Variants in COL4A5 observed in about 807,000 individuals in gnomAD.
The protein encoded by COL4A5 is collagen type IV alpha 5 chain, also known as collagen alpha-5(IV) chain.
A neutral mutation model predicts 130.2 loss-of-function variants in COL4A5; 26 were observed. The ratio of observed to expected loss-of-function variants is 0.20; its 90% CI spans 0.15 to 0.28. The LOEUF is 0.28. COL4A5 is among the 10% of genes least tolerant of loss of function. The probability of loss-of-function intolerance (pLI) is 1.00; values close to 1 mark genes in which losing one functional copy is unlikely to be tolerated. For synonymous variants in COL4A5, 496 were observed against 439.6 expected, an observed-to-expected ratio of 1.13 and a Z score of -1.60; for missense variants, 1,131 against 1,344.3, an observed-to-expected ratio of 0.84 and a Z score of 2.48.
At chrX:108,499,682 T>C (rs1569478186) in intron 1 of COL4A5, among the ~76,000 whole-genome samples, 1 of 111,690 alleles carries the variant, frequency 9.0e-6, no homozygotes, top group Non-Finnish European at 1.9e-5. Flanking sequence ...TCATTAAATA[T>C]TTTTCAAAAC....
intron 1 of COL4A5, among the ~76,000 whole-genome samples, chrX:108,455,517 A>G (rs917049882): frequency 8.9e-6 from 1 of 112,329 alleles, no homozygotes; most frequent in African/African-American, 3.2e-5. Context: ...TACTTTGGTA[A>G]CTACCAACCA....
chrX:108,452,717 G>T (rs997126692), intron 1 of COL4A5, among the ~76,000 whole-genome samples: 1 of 112,034 alleles, frequency 8.9e-6, no homozygotes, highest in Non-Finnish European at 1.9e-5. Context: ...AGCTTAAGGA[G>T]ATTTTGGGCT....
At chrX:108,694,512 C>T (rs1019262826) in intron 50 of COL4A5, 7 of 326,336 alleles carry the variant, frequency 2.1e-5, no homozygotes, top group East Asian at 6.2e-5. Context: ...CAAACTCTTA[C>T]GGCAATTGAG....
rs921487073 is a variant in COL4A5 at position 108,537,344 on chromosome X, A to T, written c.82-2402A>T. On this transcript the variant is annotated intron_variant, in intron 1 of 52. Transcript: ENST00000328300. The stretch of plus-strand genomic sequence containing the variant: ...TTAAAATTTTAAATTGAATTTAAAC[A>T]CATTTATCTATAATTCACAACTGTT... 1.2e-4 allele frequency among the ~76,000 whole-genome samples: 14 copies of T among 112,077 alleles called. 1 individual carries two copies. The highest frequency in any genetic ancestry group is 4.5e-4 in the African/African-American group (14 of 30,957).
At chrX:108,644,386 A>G (rs1325431448) in intron 36 of COL4A5, among the ~76,000 whole-genome samples, 1 of 112,142 alleles carries the variant, frequency 8.9e-6, no homozygotes, top group Non-Finnish European at 1.9e-5. Flanking sequence ...GAACAAATGG[A>G]CTTAACAGAT....
intron 36 of COL4A5, among the ~76,000 whole-genome samples, chrX:108,630,848 G>T (rs974510842): frequency 8.9e-6 from 1 of 112,241 alleles, no homozygotes; most frequent in Admixed American, 9.4e-5. Context: ...GTGAGGAAGG[G>T]ATCCAGTTTC....
chrX:108,673,720 G>T (rs975865891), intron 42 of COL4A5, among the ~76,000 whole-genome samples: 2 of 107,065 alleles, frequency 1.9e-5, no homozygotes, highest in African/African-American at 6.8e-5. Context: ...CTTATTGCAA[G>T]TACTATAATA....
intron 31 of COL4A5, 123 bp downstream of exon 31, chrX:108,620,549 T>C: frequency 3.6e-6 from 2 of 555,674 alleles, no homozygotes; most frequent in Admixed American, 6.7e-5. Context: ...GAGCATTAAA[T>C]ATCTATGACT....
chrX:108,493,706 CCAT>C (rs2147552132), intron 1 of COL4A5, among the ~76,000 whole-genome samples: 1 of 109,416 alleles, frequency 9.1e-6, no homozygotes, highest in African/African-American at 3.3e-5. Context: ...ATCTACATAG[CCAT>C]CAACTGTAGT....
At position 108,601,420 on chromosome X, in the gene COL4A5, T is replaced by C. The variant is rs558353342; in HGVS notation, c.1976T>C (p.Ile659Thr). Residue 659 changes from isoleucine (I) to threonine (T), a missense_variant, in exon 26 of 53, where the codon ATA becomes ACA. Coordinates refer to ENST00000328300, the MANE Select transcript of COL4A5 (RefSeq NM_033380.3). ...CCTAAAGGGGATCCAGGTCAGACTA[T>C]AACCCAGCCGGGGAAGCCTGGCTTG... Reference protein sequence around the residue: ...PGPKGDPGQTITQPGKPGLPG... With the variant: ...PGPKGDPGQTTTQPGKPGLPG... 1 of 1,206,083 alleles carries C rather than the reference T, an allele frequency of 8.3e-7. No individual in the cohort carries two copies. Among genetic ancestry groups the C allele is most frequent in the Admixed American group, 2.2e-5 (1 of 45,587 alleles).
At chrX:108,657,653 A>T (rs975420381) in intron 37 of COL4A5, among the ~76,000 whole-genome samples, 12 of 111,402 alleles carry the variant, frequency 1.1e-4, no homozygotes, top group African/African-American at 3.9e-4. Context: ...ATTGAGTTTG[A>T]TTTAACAATA....
intron 34 of COL4A5, among the ~76,000 whole-genome samples, 162 bp from the exon 35 acceptor site, chrX:108,625,543 A>G (rs2067137730): frequency 9.0e-6 from 1 of 111,641 alleles, no homozygotes; most frequent in Non-Finnish European, 1.9e-5. Context: ...TATGTTCCCA[A>G]GGAGATGTTT....
intron 1 of COL4A5, among the ~76,000 whole-genome samples, chrX:108,495,591 G>A (rs765463730): frequency 8.8e-4 from 98 of 111,995 alleles, no homozygotes; most frequent in Non-Finnish European, 1.4e-3. Flanking sequence ...ACATTATTGG[G>A]AAATTGGTGA....
At chrX:108,509,111 A>G (rs772873496) in intron 1 of COL4A5, among the ~76,000 whole-genome samples, 7 of 112,449 alleles carry the variant, frequency 6.2e-5, no homozygotes, top group East Asian at 5.6e-4. Flanking sequence ...AAAAGAAACT[A>G]TCAACAGACT....
rs188618033 is a variant in COL4A5 at position 108,505,354 on chromosome X, A to G, written c.82-34392A>G. Among the ~76,000 whole-genome samples the G allele has an allele frequency of 5.3e-4, 59 of 110,863 alleles. 1 individual carries two copies. The highest frequency in any genetic ancestry group is 1.9e-3 in the African/African-American group (59 of 30,459). ...ACTATACAATTCATCCATGTAACCA[A>G]AAACCACTTGTACCCCTAAAGCTAT... On this transcript the variant is annotated intron_variant, in intron 1 of 52. Coordinates refer to ENST00000328300, the MANE Select transcript of COL4A5 (RefSeq NM_033380.3).
At chrX:108,597,124 A>G in intron 23 of COL4A5, 56 bp downstream of exon 23, 3 of 993,013 alleles carry the variant, frequency 3.0e-6, no homozygotes, top group Non-Finnish European at 4.2e-6. Flanking sequence ...CATTTTACAC[A>G]TTGATTTTCA....
chrX:108,515,918 T>C (rs2065216728), intron 1 of COL4A5, among the ~76,000 whole-genome samples: 1 of 111,863 alleles, frequency 8.9e-6, no homozygotes, highest in Admixed American at 9.5e-5. Flanking sequence ...GTAGCATTCC[T>C]TGTTTTTGTG....
intron 29 of COL4A5, among the ~76,000 whole-genome samples, chrX:108,607,652 T>C (rs1023170934): frequency 2.8e-5 from 3 of 108,943 alleles, no homozygotes; most frequent in Non-Finnish European, 5.7e-5. Flanking sequence ...CCCAGCTAAT[T>C]TTTGTATTTT....
intron 1 of COL4A5, among the ~76,000 whole-genome samples, chrX:108,534,968 C>G (rs752179102): frequency 1.8e-5 from 2 of 110,631 alleles, no homozygotes; most frequent in Non-Finnish European, 1.9e-5. Flanking sequence ...CTCACTCTTT[C>G]TTCCATGTCT....
Sources: allele counts gnomAD v4.1 joint callset (sites outside exome capture counted in the v4.1 genomes callset), GRCh38; gene constraint gnomAD v4.1.1; transcripts MANE v1.5; gene names NCBI Gene and HGNC (gene_info 2026-07-23, HGNC 2026-07-21).